MMP24: variants seen among roughly 807,000 people sequenced by gnomAD.
The protein encoded by MMP24 is matrix metallopeptidase 24.
MMP24 carries 25 observed loss-of-function variants against 62.8 expected under a neutral mutation model. That is an observed-to-expected ratio of 0.40 (90% CI 0.29 to 0.56). The LOEUF (loss-of-function observed/expected upper bound fraction) is 0.56, where lower values mean the gene tolerates loss of function less well. Among genes scored for constraint, MMP24 ranks in the 20% least tolerant of loss-of-function variants. The pLI is 0.50. For missense variants in MMP24, 634 were observed against 853.6 expected, an observed-to-expected ratio of 0.74 and a Z score of 3.21; for synonymous variants, 319 against 350.5, an observed-to-expected ratio of 0.91 and a Z score of 1.00.
At chr20:35,228,724 C>G (rs1299030829) in intron 1 of MMP24, among the ~76,000 whole-genome samples, 1 of 152,190 alleles carries the variant, frequency 6.6e-6, no homozygotes, top group African/African-American at 2.4e-5. Flanking sequence ...GTTTTATAGG[C>G]TTTGATTATT....
At chr20:35,257,668 C>T (rs2060581717) in intron 4 of MMP24, among the ~76,000 whole-genome samples, 1 of 152,286 alleles carries the variant, frequency 6.6e-6, no homozygotes, top group South Asian at 2.1e-4. Context: ...TCCCAAGAGC[C>T]GGTGGTATGT....
At chr20:35,264,793 C>G (rs1432717390) in intron 5 of MMP24, among the ~76,000 whole-genome samples, 1 of 151,194 alleles carries the variant, frequency 6.6e-6, no homozygotes, top group Admixed American at 6.6e-5. Flanking sequence ...ATATGAAAGG[C>G]CTCCTACACA....
intron 1 of MMP24, among the ~76,000 whole-genome samples, chr20:35,236,764 A>C (rs533303891): frequency 6.6e-6 from 1 of 152,180 alleles, no homozygotes; most frequent in African/African-American, 2.4e-5. Flanking sequence ...ACCTAAGATC[A>C]GGAGTTCGAG....
intron 2 of MMP24, among the ~76,000 whole-genome samples, chr20:35,249,336 G>T (rs1014836396): frequency 2.0e-5 from 3 of 152,176 alleles, no homozygotes; most frequent in Admixed American, 1.3e-4. Context: ...ATGTTTGAGT[G>T]TCGCCTTGGG....
chr20:35,245,474 A>G (rs918494902), intron 1 of MMP24, among the ~76,000 whole-genome samples: 4 of 150,478 alleles, frequency 2.7e-5, no homozygotes, highest in Non-Finnish European at 5.9e-5. Flanking sequence ...TTTAAGACAG[A>G]GTCTTGCTCT....
At chr20:35,263,634 G>T (rs1163149785) in intron 4 of MMP24, 157 bp from the exon 5 acceptor site, 2 of 544,348 alleles carry the variant, frequency 3.7e-6, no homozygotes, top group Non-Finnish European at 6.3e-6. Flanking sequence ...AGAGGCTTGG[G>T]AGGCAGGGGT....
At chr20:35,272,001 T>A in intron 8 of MMP24, 166 bp downstream of exon 8, 1 of 759,058 alleles carries the variant, frequency 1.3e-6, no homozygotes, top group East Asian at 2.7e-5. Context: ...ATTAATTCAC[T>A]TACCAGCTGC....
At position 35,267,368 on chromosome 20, in the gene MMP24, C is replaced by T. The variant is rs550039645; in HGVS notation, c.1143C>T (p.Asp381=). 6.7e-5 allele frequency: 105 copies of T among 1,576,966 alleles called. No homozygotes were observed. In the Middle Eastern group the frequency reaches 1.3e-3, roughly 20 times the overall value. ...STPGTKPNIC[D]GNFNTVALFR... is the part of the protein sequence containing the mutation. The stretch of plus-strand genomic sequence containing the variant: ...CAGGCACCAAACCCAACATCTGTGA[C>T]GGCAACTTCAACACAGTGGCCCTCT... Residue 381 remains aspartate, a synonymous_variant, in exon 6 of 9, where the codon GAC becomes GAT. Transcript: ENST00000246186.
chr20:35,251,563 G>A (rs1382267951), intron 2 of MMP24, among the ~76,000 whole-genome samples: 1 of 152,200 alleles, frequency 6.6e-6, no homozygotes, highest in African/African-American at 2.4e-5. Context: ...CTAAGACCAA[G>A]AACTAGAGTT....
intron 1 of MMP24, among the ~76,000 whole-genome samples, chr20:35,244,207 G>A (rs2060502006): frequency 6.6e-6 from 1 of 152,134 alleles, no homozygotes; most frequent in African/African-American, 2.4e-5. Flanking sequence ...GGGGAATAAT[G>A]CCATTTCCCC....
chr20:35,267,091 A>T (rs1287206376), intron 5 of MMP24, 114 bp from the exon 6 acceptor site: 2 of 813,978 alleles, frequency 2.5e-6, no homozygotes, highest in African/African-American at 1.7e-5. Flanking sequence ...GGGAGAGGGA[A>T]CAGGAGGCTG....
chr20:35,251,713 T>C (rs2060547951), intron 2 of MMP24, among the ~76,000 whole-genome samples, 192 bp from the exon 3 acceptor site: 1 of 152,212 alleles, frequency 6.6e-6, no homozygotes, highest in East Asian at 1.9e-4. Flanking sequence ...TCCTCATCTA[T>C]GATTGTGAGT....
chr20:35,229,594 C>T (rs549113239), intron 1 of MMP24, among the ~76,000 whole-genome samples: 1 of 152,142 alleles, frequency 6.6e-6, no homozygotes, highest in Non-Finnish European at 1.5e-5. Context: ...ACTTGATTGA[C>T]ACCTTATAGA....
chr20:35,273,430 G>C (rs576232871), intron 8 of MMP24, among the ~76,000 whole-genome samples: 1 of 152,060 alleles, frequency 6.6e-6, no homozygotes, highest in South Asian at 2.1e-4. Context: ...TGCTGGGAGA[G>C]AGCAACGAGC....
intron 8 of MMP24, chr20:35,272,256 G>A: frequency 2.3e-6 from 1 of 427,662 alleles, no homozygotes. Context: ...AATTCTAAGA[G>A]ATAAGGTCTC....
At position 35,271,999 on chromosome 20, in the gene MMP24, A is replaced by G; in HGVS notation, c.1600+164A>G. The G allele has an allele frequency of 1.3e-6, 1 of 771,090 alleles. No individual in the cohort carries two copies. The highest frequency in any genetic ancestry group is 2.0e-6 in the Non-Finnish European group (1 of 495,792). The allele number at this position is 771,090 out of a possible 1,614,324, so 47.8% of individuals were successfully genotyped here. On this transcript the variant is annotated intron_variant, in intron 8 of 8. Coordinates refer to ENST00000246186, the MANE Select transcript of MMP24 (RefSeq NM_006690.4). This position sits in a 1 kb window ranked among gnomAD's most constrained non-coding sequence, Gnocchi z 4.0. The stretch of plus-strand genomic sequence containing the variant: ...CCATGTTCACGTGGTCCATTAATTC[A>G]CTTACCAGCTGCCAAGTCACACTTT...
Position 35,275,509 on chromosome 20 carries a change from G to A in MMP24, c.*900G>A, listed in dbSNP as rs1236971603. ...GGGGCAGAAGCTGACCCCATTTCTG[G>A]AGGAAGATCCGAGTTTGTGACCGTC... is the stretch of plus-strand genomic sequence containing the variant. On this transcript the variant is annotated 3_prime_UTR_variant, in exon 9 of 9. Coordinates refer to ENST00000246186, the MANE Select transcript of MMP24 (RefSeq NM_006690.4). 1 of 152,302 alleles carries A rather than the reference G, an allele frequency of 6.6e-6. No individual in the cohort carries two copies. Among genetic ancestry groups the A allele is most frequent in the South Asian group, 2.1e-4 (1 of 4,832 alleles). The allele number at this position is 152,302 out of a possible 1,614,324, so 9.4% of individuals were successfully genotyped here.
intron 4 of MMP24, among the ~76,000 whole-genome samples, chr20:35,259,694 C>T (rs1398492016): frequency 6.6e-6 from 1 of 152,078 alleles, no homozygotes; most frequent in Non-Finnish European, 1.5e-5. Context: ...TGGGAACGAC[C>T]AAATATGGAG....
chr20:35,229,128 C>G (rs1460679721), intron 1 of MMP24, among the ~76,000 whole-genome samples: 1 of 152,210 alleles, frequency 6.6e-6, no homozygotes, highest in East Asian at 1.9e-4. Context: ...CCTTACATTT[C>G]TCCACCTTGA....
Sources: gnomAD v4.1 joint callset for allele counts (sites outside exome capture counted in the v4.1 genomes callset) on GRCh38, gnomAD v4.1.1 for gene constraint, Gnocchi (gnomAD v3.1) non-coding constraint, MANE v1.5 for transcripts, NCBI Gene and HGNC (gene_info 2026-07-23, HGNC 2026-07-21) for gene names.